Variants in AKAP13 observed in about 807,000 individuals in gnomAD.
AKAP13 encodes A-kinase anchoring protein 13.
Under a neutral mutation model 264.5 loss-of-function variants are expected in AKAP13, and 80 were observed. The ratio of observed to expected loss-of-function variants is 0.30; its 90% CI spans 0.25 to 0.36. The LOEUF (loss-of-function observed/expected upper bound fraction) is 0.36, where lower values mean the gene tolerates loss of function less well. AKAP13 is among the 10% of genes least tolerant of loss of function. The pLI is 1.00. For missense variants in AKAP13, 3,712 were observed against 3,435.2 expected, an observed-to-expected ratio of 1.08 and a Z score of -2.01; for synonymous variants, 1,380 against 1,250.2, an observed-to-expected ratio of 1.10 and a Z score of -2.19.
chr15:85,553,665 A>G (rs1195459040), intron 5 of AKAP13, among the ~76,000 whole-genome samples: 1 of 152,096 alleles, frequency 6.6e-6, no homozygotes, highest in Non-Finnish European at 1.5e-5. Context: ...ACATAAGGAG[A>G]TTTGTACTTT....
intron 16 of AKAP13, among the ~76,000 whole-genome samples, chr15:85,690,475 T>C (rs999874307): frequency 1.3e-5 from 2 of 152,242 alleles, no homozygotes; most frequent in African/African-American, 4.8e-5. Context: ...CTTTAGTGAT[T>C]ACCAATTTTC....
intron 1 of AKAP13, among the ~76,000 whole-genome samples, chr15:85,434,031 G>C (rs1367517971): frequency 6.6e-6 from 1 of 152,044 alleles, no homozygotes; most frequent in East Asian, 1.9e-4. Context: ...CGACGCAGAA[G>C]ACGGGTGATT....
intron 1 of AKAP13, among the ~76,000 whole-genome samples, chr15:85,400,890 CAG>C (rs1422150250): frequency 6.9e-6 from 1 of 145,772 alleles, no homozygotes; most frequent in Non-Finnish European, 1.5e-5. Flanking sequence ...TTTTTTTAAA[CAG>C]AGTATGTTGC....
At chr15:85,561,749 T>G (rs751863101) in intron 5 of AKAP13, among the ~76,000 whole-genome samples, 1 of 152,096 alleles carries the variant, frequency 6.6e-6, no homozygotes, top group Non-Finnish European at 1.5e-5. Flanking sequence ...ATTCCAGAAG[T>G]TATGGACTCA....
intron 4 of AKAP13, among the ~76,000 whole-genome samples, chr15:85,537,531 C>G (rs147937723): frequency 6.6e-6 from 1 of 152,274 alleles, no homozygotes; most frequent in African/African-American, 2.4e-5. Flanking sequence ...TCAGATTTCT[C>G]CTCAGAAAAA....
intron 2 of AKAP13, among the ~76,000 whole-genome samples, chr15:85,493,876 C>T (rs1159242536): frequency 2.0e-5 from 3 of 152,304 alleles, no homozygotes; most frequent in Non-Finnish European, 2.9e-5. Context: ...AAATGTATTA[C>T]ATTTCTTAAA....
chr15:85,552,123 T>C (rs1418742359), intron 5 of AKAP13, among the ~76,000 whole-genome samples: 2 of 152,186 alleles, frequency 1.3e-5, no homozygotes, highest in African/African-American at 4.8e-5. Flanking sequence ...TATGAGGTAG[T>C]AAAAAAATAC....
At chr15:85,498,351 A>G (rs184170827) in intron 2 of AKAP13, among the ~76,000 whole-genome samples, 31 of 152,164 alleles carry the variant, frequency 2.0e-4, no homozygotes, top group African/African-American at 7.0e-4. Flanking sequence ...CATCTTCTGC[A>G]TAAATACTTG....
intron 3 of AKAP13, among the ~76,000 whole-genome samples, chr15:85,529,146 C>T (rs1409663826): frequency 6.6e-6 from 1 of 152,062 alleles, no homozygotes; most frequent in Non-Finnish European, 1.5e-5. Flanking sequence ...CTGCAGTTGG[C>T]CAGGCACGGT....
At chr15:85,555,334 A>G in intron 5 of AKAP13, 2 of 885,810 alleles carry the variant, frequency 2.3e-6, no homozygotes, top group East Asian at 6.2e-5. Context: ...CAGAAAAGGA[A>G]CTAGATGCTG....
intron 1 of AKAP13, among the ~76,000 whole-genome samples, chr15:85,467,098 A>G (rs545413840): frequency 1.4e-5 from 2 of 145,882 alleles, no homozygotes; most frequent in South Asian, 2.2e-4. Flanking sequence ...ACACACACAC[A>G]CACGTATGTA....
chr15:85,562,586 T>C (rs370625641), intron 5 of AKAP13, among the ~76,000 whole-genome samples: 1 of 114,326 alleles, frequency 8.7e-6, no homozygotes, highest in Non-Finnish European at 1.7e-5. Flanking sequence ...TATATATATA[T>C]ATATATATAT....
chr15:85,703,589 C>G (rs1231647187), intron 17 of AKAP13, among the ~76,000 whole-genome samples: 1 of 152,174 alleles, frequency 6.6e-6, no homozygotes, highest in Non-Finnish European at 1.5e-5. Context: ...CGCCTGTGAT[C>G]CCAGCACTTT....
rs575664308 is a variant in AKAP13 at position 85,744,902 on chromosome 15, ACT to A, written c.*229_*230del. The A allele has an allele frequency of 8.2e-5, 39 of 475,132 alleles. No homozygotes were observed. Among genetic ancestry groups the A allele is most frequent in the African/African-American group, 6.5e-4 (32 of 49,300 alleles). 29.4% of individuals were successfully genotyped at this position (475,132 alleles called of 1,614,324 possible). On this transcript the variant is annotated 3_prime_UTR_variant, in exon 37 of 37. Coordinates refer to ENST00000394518, the MANE Select transcript of AKAP13 (RefSeq NM_007200.5). ...CGGCCATGATTTGTGACTGCCCAGG[ACT>A]CTCAGGTTGGGCTGGCCCTACTCAG...
At chr15:85,472,137 T>C (rs1317256776) in intron 1 of AKAP13, among the ~76,000 whole-genome samples, 2 of 152,040 alleles carry the variant, frequency 1.3e-5, no homozygotes, top group Admixed American at 1.3e-4. Context: ...TGTAATTGTT[T>C]AACAATGCTA....
intron 2 of AKAP13, among the ~76,000 whole-genome samples, chr15:85,515,381 G>A (rs2076566259): frequency 7.3e-6 from 1 of 137,740 alleles, no homozygotes; most frequent in Non-Finnish European, 1.6e-5. Flanking sequence ...TAGGTCTCAC[G>A]TCCCTTTACT....
chr15:85,539,075 C>T (rs2077498183), intron 4 of AKAP13, among the ~76,000 whole-genome samples: 1 of 152,162 alleles, frequency 6.6e-6, no homozygotes, highest in Admixed American at 6.5e-5. Context: ...TCATGATCCT[C>T]CCGCCTCGGC....
chr15:85,512,613 A>C (rs1271614747), intron 2 of AKAP13, among the ~76,000 whole-genome samples: 1 of 152,138 alleles, frequency 6.6e-6, no homozygotes, highest in Non-Finnish European at 1.5e-5. Flanking sequence ...GACCCCTTCT[A>C]GCTTTTTAAA....
chr15:85,384,631 C>T (rs1404967247), intron 1 of AKAP13, among the ~76,000 whole-genome samples: 5 of 151,172 alleles, frequency 3.3e-5, no homozygotes, highest in Non-Finnish European at 7.4e-5. Flanking sequence ...GCAGGAGAAT[C>T]GCTTGAACCC....
Sources: gnomAD v4.1 joint callset for allele counts (sites outside exome capture counted in the v4.1 genomes callset) on GRCh38, gnomAD v4.1.1 for gene constraint, MANE v1.5 for transcripts, NCBI Gene and HGNC (gene_info 2026-07-23, HGNC 2026-07-21) for gene names.